TLN2: variants seen among roughly 807,000 people sequenced by gnomAD.
TLN2 encodes talin 2.
TLN2 carries 118 observed loss-of-function variants against 294.7 expected under a neutral mutation model. The ratio of observed to expected loss-of-function variants is 0.40; its 90% confidence interval spans 0.34 to 0.47. The LOEUF is 0.47. TLN2 is among the 20% of genes least tolerant of loss of function. TLN2 has a pLI of 0.84. For missense variants in TLN2, 3,083 were observed against 3,282.2 expected, an observed-to-expected ratio of 0.94 and a Z score of 1.48; for synonymous variants, 1,431 against 1,304.5, an observed-to-expected ratio of 1.10 and a Z score of -2.09.
chr15:62,814,490 C>CAA (rs57230639), intron 52 of TLN2, among the ~76,000 whole-genome samples: 18 of 139,902 alleles, frequency 1.3e-4, no homozygotes, highest in Middle Eastern at 3.6e-3. Context: ...ATAAAACTAT[C>CAA]AAAAAAAAAA....
chr15:62,652,826 T>G (rs538161455), intron 6 of TLN2, among the ~76,000 whole-genome samples: 1 of 152,318 alleles, frequency 6.6e-6, no homozygotes, highest in East Asian at 1.9e-4. Flanking sequence ...GCACTGGAGA[T>G]TCTGTATTGT....
chr15:62,424,385 T>C (rs16945000), intron 1 of TLN2, among the ~76,000 whole-genome samples: 29,971 of 152,132 alleles, frequency 0.2, 3,052 homozygotes, highest in Non-Finnish European at 0.22. Flanking sequence ...AGGCCTCAGG[T>C]AGGCTTGCTC....
chr15:62,677,248 A>C (rs1313164374), intron 11 of TLN2, among the ~76,000 whole-genome samples: 2 of 152,234 alleles, frequency 1.3e-5, no homozygotes, highest in Non-Finnish European at 2.9e-5. Context: ...AATTTTCATC[A>C]TGTCCACTGA....
intron 1 of TLN2, among the ~76,000 whole-genome samples, chr15:62,465,269 G>A (rs77022479): frequency 3.6e-4 from 55 of 151,952 alleles, no homozygotes; most frequent in South Asian, 8.3e-4. Flanking sequence ...TTACTTTCCC[G>A]TTGGCCTAGC....
chr15:62,635,962 A>G (rs1394067785), intron 3 of TLN2, among the ~76,000 whole-genome samples: 1 of 152,096 alleles, frequency 6.6e-6, no homozygotes, highest in Non-Finnish European at 1.5e-5. Flanking sequence ...TCGAGTTCAC[A>G]TGACTACTCT....
intron 1 of TLN2, among the ~76,000 whole-genome samples, chr15:62,490,400 A>G (rs1318076343): frequency 1.3e-5 from 2 of 152,188 alleles, no homozygotes; most frequent in African/African-American, 2.4e-5. Context: ...CTATCCTCAG[A>G]GGAATTAGCT....
intron 25 of TLN2, among the ~76,000 whole-genome samples, 195 bp from the exon 26 acceptor site, chr15:62,722,158 A>G (rs2060187129): frequency 6.6e-6 from 1 of 152,080 alleles, no homozygotes; most frequent in South Asian, 2.1e-4. Flanking sequence ...TCTTTTTTTA[A>G]ACATTCCTAG....
rs1304055324 is a variant in TLN2, at chr15:62,796,175, G to A, written c.5932G>A (p.Ala1978Thr). ...ALQAGNKGTQ[A>T]CITAATAVSG... The stretch of plus-strand genomic sequence containing the variant: ...CCAGGCCGGGAACAAAGGAACCCAG[G>A]CATGCATTACAGCCGCCACCGCTGT... The change falls in exon 47 of 59, where the codon GCA becomes ACA. Residue 1978 changes from alanine to threonine, a missense_variant. Physicochemically the swap from Ala to Thr is moderately conservative, Grantham distance 58. Coordinates refer to ENST00000636159, the MANE Select transcript of TLN2 (RefSeq NM_015059.3). 5 of 1,614,264 alleles carry A rather than the reference G, an allele frequency of 3.1e-6. No individual in the cohort carries two copies. Among genetic ancestry groups the A allele is most frequent in the Non-Finnish European group, 4.2e-6 (5 of 1,180,048 alleles).
At chr15:62,627,195 G>C (rs1455391578) in intron 3 of TLN2, among the ~76,000 whole-genome samples, 1 of 152,188 alleles carries the variant, frequency 6.6e-6, no homozygotes, top group East Asian at 1.9e-4. Flanking sequence ...TTGTTTCTTG[G>C]CAAAAGAGAA....
chr15:62,766,099 C>T (rs2062986428), intron 40 of TLN2, among the ~76,000 whole-genome samples: 1 of 152,162 alleles, frequency 6.6e-6, no homozygotes, highest in Admixed American at 6.5e-5. Flanking sequence ...GAGCAAGAAG[C>T]CAGTTGCAAA....
At chr15:62,828,560 A>T (rs1007277034) in intron 54 of TLN2, 3 of 152,198 alleles carry the variant, frequency 2.0e-5, no homozygotes, top group Non-Finnish European at 2.9e-5. Context: ...TGCATGACTA[A>T]ATGTCACAAA....
intron 4 of TLN2, among the ~76,000 whole-genome samples, chr15:62,648,738 G>A (rs555301412): frequency 1.0e-3 from 156 of 151,930 alleles, no homozygotes; most frequent in African/African-American, 3.5e-3. Context: ...TAGTAGAGAC[G>A]GGGTTTCACC....
At chr15:62,425,332 C>G (rs372267811) in intron 1 of TLN2, among the ~76,000 whole-genome samples, 1 of 152,146 alleles carries the variant, frequency 6.6e-6, no homozygotes, top group Non-Finnish European at 1.5e-5. Flanking sequence ...ATACTGCCTG[C>G]GGTTGATCTC....
chr15:62,571,015 C>T (rs186806044), intron 1 of TLN2, among the ~76,000 whole-genome samples: 13 of 152,010 alleles, frequency 8.6e-5, no homozygotes, highest in Admixed American at 8.5e-4. Context: ...CAGCTGTAGT[C>T]AGCCTGGTCA....
intron 2 of TLN2, among the ~76,000 whole-genome samples, chr15:62,608,585 G>T (rs1456916796): frequency 1.3e-5 from 2 of 152,164 alleles, no homozygotes; most frequent in Non-Finnish European, 2.9e-5. Flanking sequence ...TCCGTTTCTG[G>T]TGTTGGGAGG....
At chr15:62,473,015 G>T (rs1349163091) in intron 1 of TLN2, among the ~76,000 whole-genome samples, 2 of 152,202 alleles carry the variant, frequency 1.3e-5, no homozygotes, top group African/African-American at 4.8e-5. Context: ...CACAGAATGT[G>T]CCACAGGAAA....
At chr15:62,569,179 C>A (rs1188907672) in intron 1 of TLN2, among the ~76,000 whole-genome samples, 1 of 152,212 alleles carries the variant, frequency 6.6e-6, no homozygotes, top group Non-Finnish European at 1.5e-5. Context: ...GGATTTAGGA[C>A]CCACCTGTGT....
At chr15:62,672,900 C>A (rs1007547680) in intron 9 of TLN2, among the ~76,000 whole-genome samples, 1 of 152,116 alleles carries the variant, frequency 6.6e-6, no homozygotes, top group Admixed American at 6.5e-5. Flanking sequence ...GCCAGTATTT[C>A]TAGTTCAAAT....
intron 1 of TLN2, among the ~76,000 whole-genome samples, chr15:62,485,009 C>T (rs1388937743): frequency 2.0e-5 from 3 of 152,128 alleles, no homozygotes; most frequent in African/African-American, 7.2e-5. Flanking sequence ...TGTTTTTTTA[C>T]AGCTTCTAGC....
Sources: allele counts gnomAD v4.1 joint callset (sites outside exome capture counted in the v4.1 genomes callset), GRCh38; gene constraint gnomAD v4.1.1; transcripts MANE v1.5; gene names NCBI Gene and HGNC (gene_info 2026-07-23, HGNC 2026-07-21).